The following ADGRL2 variants were observed in gnomAD, a reference collection of about 807,000 sequenced individuals.
ADGRL2 encodes calcium-independent alpha-latrotoxin receptor 2.
Under a neutral mutation model 157.4 loss-of-function variants are expected in ADGRL2, and 44 were observed. That is an observed-to-expected ratio of 0.28 (90% confidence interval 0.22 to 0.36). The LOEUF is 0.36. Ranked by LOEUF, ADGRL2 falls within the 10% of genes least tolerant of loss-of-function variation. The pLI is 1.00. For synonymous variants in ADGRL2, 585 were observed against 624.7 expected (o/e 0.94, Z 0.95); for missense variants, 1,510 against 1,768.9 (o/e 0.85, Z 2.63).
At chr1:81,380,134 T>C (rs560526183) in intron 1 of ADGRL2, among the ~76,000 whole-genome samples, 21 of 152,140 alleles carry the variant, frequency 1.4e-4, no homozygotes, top group African/African-American at 4.6e-4. Flanking sequence ...AAGCCTGAGC[T>C]ACAAACTCTA....
intron 1 of ADGRL2, among the ~76,000 whole-genome samples, chr1:81,317,678 G>A (rs75521014): frequency 1.6e-4 from 25 of 152,282 alleles, no homozygotes; most frequent in African/African-American, 5.5e-4. Flanking sequence ...CTCAGGAATT[G>A]AGGGATAAAT....
chr1:81,516,117 A>C (rs2079171962), intron 2 of ADGRL2, among the ~76,000 whole-genome samples: 2 of 152,324 alleles, frequency 1.3e-5, no homozygotes, highest in South Asian at 2.1e-4. Context: ...TTTCCTTCAA[A>C]TCTTTGCCAG....
chr1:81,957,708 CA>C (rs1209793979), intron 11 of ADGRL2, among the ~76,000 whole-genome samples: 1 of 151,346 alleles, frequency 6.6e-6, no homozygotes, highest in African/African-American at 2.4e-5. Context: ...GACCCCATCT[CA>C]AAAAAATAAA....
intron 3 of ADGRL2, among the ~76,000 whole-genome samples, chr1:81,641,207 C>T (rs919810996): frequency 2.0e-5 from 3 of 152,088 alleles, no homozygotes; most frequent in African/African-American, 7.2e-5. Context: ...AATAGATAGT[C>T]CACTATTATA....
chr1:81,574,949 C>G (rs2080768926), intron 2 of ADGRL2, among the ~76,000 whole-genome samples: 1 of 152,216 alleles, frequency 6.6e-6, no homozygotes, highest in Admixed American at 6.5e-5. Flanking sequence ...TCTGTGTGTA[C>G]TTCCAGCTGC....
intron 2 of ADGRL2, among the ~76,000 whole-genome samples, chr1:81,481,368 G>T (rs1570227761): frequency 1.3e-5 from 2 of 152,194 alleles, no homozygotes; most frequent in African/African-American, 4.8e-5. Context: ...AAGACAGAAA[G>T]AAATTAGAAG....
At chr1:81,324,595 T>C (rs1473082898) in intron 1 of ADGRL2, among the ~76,000 whole-genome samples, 3 of 150,676 alleles carry the variant, frequency 2.0e-5, no homozygotes, top group Non-Finnish European at 3.0e-5. Flanking sequence ...AAATTATATA[T>C]ACACACACAC....
chr1:81,983,298 G>A (rs77311853), intron 19 of ADGRL2, among the ~76,000 whole-genome samples: 5,336 of 152,010 alleles, frequency 0.035, 257 homozygotes, highest in African/African-American at 0.11. Context: ...GCGCCAGGAT[G>A]AGTTGTTAAG....
chr1:81,427,608 T>A, intron 1 of ADGRL2: 1 of 695,206 alleles, frequency 1.4e-6, no homozygotes. Context: ...AGCAGAAGGT[T>A]TTGAAAACAG....
chr1:81,952,957 C>A, intron 9 of ADGRL2, 30 bp from the exon 10 acceptor site: 3 of 1,576,800 alleles, frequency 1.9e-6, no homozygotes, highest in Non-Finnish European at 2.6e-6. Flanking sequence ...AAAATCTAAC[C>A]TCTGATTTTT....
At chr1:81,559,505 A>G (rs1210538501) in intron 2 of ADGRL2, among the ~76,000 whole-genome samples, 1 of 151,618 alleles carries the variant, frequency 6.6e-6, no homozygotes, top group African/African-American at 2.4e-5. Flanking sequence ...AGAATTCAAT[A>G]TGTATTTTTG....
chr1:81,438,876 C>T (rs2077456805), intron 1 of ADGRL2, among the ~76,000 whole-genome samples: 1 of 152,114 alleles, frequency 6.6e-6, no homozygotes, highest in African/African-American at 2.4e-5. Context: ...CCCCAGATTT[C>T]TTTAAACTCC....
chr1:81,989,674 A>C (rs1664180971), intron 23 of ADGRL2: 1 of 1,611,090 alleles, frequency 6.2e-7, no homozygotes, highest in African/African-American at 1.3e-5. Flanking sequence ...TAGGCCAGAT[A>C]GCCTGAGCAG....
intron 2 of ADGRL2, among the ~76,000 whole-genome samples, chr1:81,454,167 C>T (rs12133681): frequency 0.044 from 6,440 of 145,802 alleles, 154 homozygotes; most frequent in Middle Eastern, 0.08. Flanking sequence ...AATCCTCACT[C>T]TTTTTTTTTT....
chr1:81,647,504 A>T (rs562808169), intron 3 of ADGRL2, among the ~76,000 whole-genome samples: 15 of 152,282 alleles, frequency 9.9e-5, no homozygotes, highest in African/African-American at 3.4e-4. Context: ...CAGTGTCCCC[A>T]GAGGAAAAAT....
At chr1:81,335,657 A>T (rs1461720548) in intron 1 of ADGRL2, among the ~76,000 whole-genome samples, 4 of 152,064 alleles carry the variant, frequency 2.6e-5, no homozygotes, top group African/African-American at 9.7e-5. Flanking sequence ...CCACAACTCC[A>T]TTTTCCCTAA....
At position 81,836,943 on chromosome 1, in the gene ADGRL2, A is replaced by G; in HGVS notation, c.-42A>G. The G allele has an allele frequency of 2.5e-6, 3 of 1,185,828 alleles. No individual in the cohort carries two copies. The highest frequency in any genetic ancestry group is 3.6e-6 in the Non-Finnish European group (3 of 825,270). 73.5% of individuals were successfully genotyped at this position (1,185,828 alleles called of 1,614,324 possible). A position where few individuals can be genotyped will look rare whatever the true frequency, so the allele number is the denominator to read the frequency against. On this transcript the variant is annotated 5_prime_UTR_variant, in exon 2 of 24. Transcript: ENST00000686636. ...GATGAAGCTGGGCATTTATAACTAG[A>G]TTCATTAAGGAATACAAAGAAAATA...
intron 2 of ADGRL2, among the ~76,000 whole-genome samples, chr1:81,465,923 G>A (rs929483211): frequency 6.6e-6 from 1 of 152,126 alleles, no homozygotes; most frequent in Non-Finnish European, 1.5e-5. Flanking sequence ...ACTGGGCTAA[G>A]CAAGGAAAAT....
At chr1:81,629,246 G>C (rs1337702229) in intron 3 of ADGRL2, among the ~76,000 whole-genome samples, 3 of 152,104 alleles carry the variant, frequency 2.0e-5, no homozygotes, top group Non-Finnish European at 4.4e-5. Flanking sequence ...CCTTCAAAGA[G>C]GAAGATGATA....
Sources: allele counts gnomAD v4.1 joint callset (sites outside exome capture counted in the v4.1 genomes callset), GRCh38; gene constraint gnomAD v4.1.1; transcripts MANE v1.5; gene names NCBI Gene and HGNC (gene_info 2026-07-23, HGNC 2026-07-21).